NCALD: variants seen among roughly 807,000 people sequenced by gnomAD.
The protein encoded by NCALD is neurocalcin-delta.
A neutral mutation model predicts 18.6 loss-of-function variants in NCALD; 10 were observed. The observed-to-expected ratio is 0.54, with a 90% CI of 0.33 to 0.91. The LOEUF (loss-of-function observed/expected upper bound fraction) is 0.91, where lower values mean the gene tolerates loss of function less well. Ranked by LOEUF, NCALD falls within the 40% of genes least tolerant of loss-of-function variation. NCALD has a pLI of 0.03. For synonymous variants in NCALD, 88 were observed against 87.4 expected (o/e 1.01, Z -0.04); for missense variants, 184 against 247.6 (o/e 0.74, Z 1.72).
At chr8:101,889,222 G>C (rs936956820) in intron 3 of NCALD, among the ~76,000 whole-genome samples, 11 of 152,206 alleles carry the variant, frequency 7.2e-5, no homozygotes, top group Non-Finnish European at 2.9e-5. Flanking sequence ...TGCTGTGAAC[G>C]AAGCCTAAGC....
Position 101,688,866 on chromosome 8 carries a change from T to A in NCALD, c.*443A>T, listed in dbSNP as rs375002326. 175 of 622,406 alleles carry A rather than the reference T, an allele frequency of 2.8e-4. 1 individual carries two copies. Among genetic ancestry groups the A allele is most frequent in the South Asian group, 1.9e-3 (105 of 55,048 alleles). The allele number at this position is 622,406 out of a possible 1,614,324, so 38.6% of individuals were successfully genotyped here. On this transcript the variant is annotated 3_prime_UTR_variant, in exon 4 of 4. Transcript: ENST00000220931. ...TAACTTGTTCTTGGGGAATCCAGCA[T>A]CCGGTGCCATCCATCACCCCTACGG...
At chr8:101,695,413 T>C (rs1326336637) in intron 2 of NCALD, among the ~76,000 whole-genome samples, 1 of 152,184 alleles carries the variant, frequency 6.6e-6, no homozygotes, top group Non-Finnish European at 1.5e-5. Context: ...GCTTTGTGCC[T>C]GTGACTGGCC....
chr8:101,872,409 T>C (rs1816057478), intron 4 of NCALD: 1 of 1,380,720 alleles, frequency 7.2e-7, no homozygotes, highest in Non-Finnish European at 1.0e-6. Flanking sequence ...TATCTTCGTA[T>C]GTTGTCACCA....
At chr8:101,695,567 C>T (rs576703804) in intron 2 of NCALD, among the ~76,000 whole-genome samples, 1 of 152,130 alleles carries the variant, frequency 6.6e-6, no homozygotes, top group Non-Finnish European at 1.5e-5. Flanking sequence ...ATCTCCCCTC[C>T]TCCTTGGACT....
At chr8:102,109,047 T>A (rs1469265881) in intron 1 of NCALD, among the ~76,000 whole-genome samples, 1 of 152,172 alleles carries the variant, frequency 6.6e-6, no homozygotes, top group Non-Finnish European at 1.5e-5. Context: ...GTGAAATCGT[T>A]AGCAGAAGCA....
At chr8:101,923,243 A>C (rs1818226712) in intron 2 of NCALD, among the ~76,000 whole-genome samples, 1 of 152,198 alleles carries the variant, frequency 6.6e-6, no homozygotes, top group African/African-American at 2.4e-5. Flanking sequence ...GCAAGAAATA[A>C]ATTTCTGTAC....
intron 2 of NCALD, among the ~76,000 whole-genome samples, chr8:101,950,986 T>C (rs1819392910): frequency 6.6e-6 from 1 of 152,202 alleles, no homozygotes; most frequent in African/African-American, 2.4e-5. Flanking sequence ...ATTCCACTTC[T>C]AGGTACCCAA....
At chr8:101,928,681 TCTC>T (rs1818429313) in intron 2 of NCALD, among the ~76,000 whole-genome samples, 1 of 152,132 alleles carries the variant, frequency 6.6e-6, no homozygotes, top group Non-Finnish European at 1.5e-5. Flanking sequence ...CCTTTATTGA[TCTC>T]CTGTTTATTC....
At chr8:102,104,355 G>T (rs1275458389) in intron 1 of NCALD, among the ~76,000 whole-genome samples, 2 of 151,960 alleles carry the variant, frequency 1.3e-5, no homozygotes, top group Non-Finnish European at 2.9e-5. Context: ...TCAAATAGGG[G>T]GCACCTAGCA....
chr8:102,048,165 T>C (rs1823314187), intron 1 of NCALD, among the ~76,000 whole-genome samples: 1 of 152,204 alleles, frequency 6.6e-6, no homozygotes, highest in African/African-American at 2.4e-5. Flanking sequence ...ACAGAATCTG[T>C]TGTTATTTAT....
At chr8:101,954,960 A>T (rs1317968314) in intron 2 of NCALD, among the ~76,000 whole-genome samples, 2 of 151,998 alleles carry the variant, frequency 1.3e-5, no homozygotes, top group East Asian at 1.9e-4. Flanking sequence ...TTATCTGCAA[A>T]ATGGAGCTCT....
At chr8:101,732,384 A>G (rs1229258924) in intron 1 of NCALD, among the ~76,000 whole-genome samples, 3 of 152,072 alleles carry the variant, frequency 2.0e-5, no homozygotes, top group African/African-American at 2.4e-5. Flanking sequence ...AGAGGCCACA[A>G]ATTCATTCGG....
At chr8:101,828,086 T>TTG (rs1422227160) in intron 4 of NCALD, among the ~76,000 whole-genome samples, 1 of 152,230 alleles carries the variant, frequency 6.6e-6, no homozygotes, top group Non-Finnish European at 1.5e-5. Flanking sequence ...CCAGGCCACC[T>TTG]TGTGCCGTTT....
chr8:101,775,934 T>C (rs778613014), intron 1 of NCALD, among the ~76,000 whole-genome samples: 3 of 152,330 alleles, frequency 2.0e-5, no homozygotes, highest in Middle Eastern at 3.4e-3. Context: ...TGTCTTATAC[T>C]GTCACACTTC....
At chr8:101,974,254 A>G (rs980058052) in intron 2 of NCALD, among the ~76,000 whole-genome samples, 26 of 152,118 alleles carry the variant, frequency 1.7e-4, no homozygotes, top group African/African-American at 6.3e-4. Flanking sequence ...TTTTGCACCA[A>G]CCTAATATAA....
chr8:101,959,543 T>G (rs186975756), intron 2 of NCALD, among the ~76,000 whole-genome samples: 1 of 152,206 alleles, frequency 6.6e-6, no homozygotes, highest in Admixed American at 6.5e-5. Flanking sequence ...TACTGTGAAC[T>G]CAGATTCCTG....
At chr8:102,004,566 C>T (rs184875252) in intron 2 of NCALD, among the ~76,000 whole-genome samples, 10 of 152,140 alleles carry the variant, frequency 6.6e-5, no homozygotes, top group South Asian at 4.2e-4. Flanking sequence ...GAGCCCGCAT[C>T]GCCAAGTCAA....
At chr8:102,034,461 G>T (rs2132151283) in intron 1 of NCALD, among the ~76,000 whole-genome samples, 1 of 152,282 alleles carries the variant, frequency 6.6e-6, no homozygotes, top group Admixed American at 6.5e-5. Flanking sequence ...GGATGAAAAA[G>T]AGACAAAGGG....
chr8:101,961,221 TA>T, intron 2 of NCALD, among the ~76,000 whole-genome samples: 1 of 152,172 alleles, frequency 6.6e-6, no homozygotes. Context: ...ATAATATAAG[TA>T]AAATATTTAG....
Sources: gnomAD v4.1 joint callset for allele counts (sites outside exome capture counted in the v4.1 genomes callset) on GRCh38, gnomAD v4.1.1 for gene constraint, MANE v1.5 for transcripts, NCBI Gene and HGNC (gene_info 2026-07-23, HGNC 2026-07-21) for gene names.